SGCG: variants seen among roughly 807,000 people sequenced by gnomAD.
SGCG encodes the protein gamma-sarcoglycan.
A neutral mutation model predicts 29.3 loss-of-function variants in SGCG; 26 were observed. The observed-to-expected ratio is 0.89, with a 90% CI of 0.65 to 1.23. SGCG has a LOEUF of 1.23. Among genes scored for constraint, SGCG ranks in the 50% most tolerant of loss-of-function variants. The probability of loss-of-function intolerance (pLI) is 0.00; values close to 1 mark genes in which losing one functional copy is unlikely to be tolerated. For synonymous variants in SGCG, 145 were observed against 129.7 expected (o/e 1.12, Z -0.80); for missense variants, 353 against 356.0 (o/e 0.99, Z 0.07).
intron 6 of SGCG, among the ~76,000 whole-genome samples, chr13:23,296,632 T>C (rs1309420926): frequency 6.6e-6 from 1 of 152,170 alleles, no homozygotes; most frequent in African/African-American, 2.4e-5. Flanking sequence ...TTTCTGTCTC[T>C]GTGGATTTGA....
At chr13:23,305,200 G>T (rs187549222) in intron 6 of SGCG, among the ~76,000 whole-genome samples, 1 of 152,126 alleles carries the variant, frequency 6.6e-6, no homozygotes, top group Admixed American at 6.5e-5. Context: ...AAGAACAGGG[G>T]GTGTCTTTCC....
intron 1 of SGCG, among the ~76,000 whole-genome samples, chr13:23,195,861 T>A (rs1258953958): frequency 1.3e-5 from 2 of 152,046 alleles, no homozygotes; most frequent in African/African-American, 4.8e-5. Flanking sequence ...AATACAGTAA[T>A]GAAGTTGGGA....
At position 23,272,253 on chromosome 13, in the gene SGCG, A is replaced by G. The variant is rs1000353446; in HGVS notation, c.386-7106A>G. Among the ~76,000 whole-genome samples the G allele has an allele frequency of 2.0e-5, 3 of 152,158 alleles. No homozygotes were observed. The East Asian group carries it at 5.8e-4, about 29-fold the overall frequency. ...TTCCAATCTTAGTGGAAATGCTTCT[A>G]GTCTTTCTGTATTAAGTAAAATACT... On this transcript the variant is annotated intron_variant, in intron 4 of 7. Coordinates refer to ENST00000218867, the MANE Select transcript of SGCG (RefSeq NM_000231.3).
Position 23,324,850 on chromosome 13 carries a change from C to T in SGCG, c.*309C>T, listed in dbSNP as rs377364360. ...TCCCCCTATCTTGTCCGTGTGGGCA[C>T]ACACTGAGTGTTGAGTTGCCGTGTG... is the stretch of plus-strand genomic sequence containing the variant. On this transcript the variant is annotated 3_prime_UTR_variant, in exon 8 of 8. Transcript: ENST00000218867. 11 of 392,654 alleles carry T rather than the reference C, an allele frequency of 2.8e-5. No individual in the cohort carries two copies. The highest frequency in any genetic ancestry group is 2.3e-4 in the African/African-American group (11 of 48,240). The allele number at this position is 392,654 out of a possible 1,614,324, so 24.3% of individuals were successfully genotyped here.
intron 1 of SGCG, among the ~76,000 whole-genome samples, chr13:23,201,063 G>A (rs534180462): frequency 6.6e-6 from 1 of 152,144 alleles, no homozygotes; most frequent in Non-Finnish European, 1.5e-5. Context: ...CTCCAGCCTC[G>A]ATGTTAGAAA....
At chr13:23,290,352 A>G (rs1346576241) in intron 5 of SGCG, among the ~76,000 whole-genome samples, 1 of 152,210 alleles carries the variant, frequency 6.6e-6, no homozygotes, top group Admixed American at 6.5e-5. Context: ...AAATGCCAAC[A>G]GTAGAGGCCA....
chr13:23,273,952 G>A (rs1465121033), intron 4 of SGCG, among the ~76,000 whole-genome samples: 1 of 152,128 alleles, frequency 6.6e-6, no homozygotes, highest in Non-Finnish European at 1.5e-5. Flanking sequence ...GTCTTGTACT[G>A]AAAGTTGTGT....
intron 6 of SGCG, among the ~76,000 whole-genome samples, chr13:23,304,816 AC>A (rs1167170705): frequency 6.6e-6 from 1 of 151,990 alleles, no homozygotes; most frequent in Non-Finnish European, 1.5e-5. Flanking sequence ...TTTGGTAGAG[AC>A]CGGGTTTTGC....
upstream of SGCG, among the ~76,000 whole-genome samples, chr13:23,177,645 C>T (rs1208704503): frequency 7.4e-6 from 1 of 135,394 alleles, no homozygotes; most frequent in Non-Finnish European, 1.5e-5. Context: ...GATCTCGGCT[C>T]ACTGCAACTA....
rs754156966 is a variant in SGCG, at chr13:23,276,803, A to G, written c.386-2556A>G. Among the ~76,000 whole-genome samples the G allele has an allele frequency of 2.0e-5, 3 of 152,210 alleles. No homozygotes were observed. The East Asian group carries it at 5.8e-4, about 29-fold the overall frequency. On this transcript the variant is annotated intron_variant, in intron 4 of 7. Coordinates refer to ENST00000218867, the MANE Select transcript of SGCG (RefSeq NM_000231.3). ...TCTCCGGACGCTGCTCTTAGCCTCG[A>G]TGGATGGACCATGGATTCCTAGTCA...
chr13:23,249,007 A>AC (rs1021766045), intron 3 of SGCG, among the ~76,000 whole-genome samples: 1 of 148,442 alleles, frequency 6.7e-6, no homozygotes, highest in African/African-American at 2.5e-5. Flanking sequence ...GAAAAAAAAA[A>AC]AAAAACAAAC....
intron 1 of SGCG, among the ~76,000 whole-genome samples, chr13:23,191,404 G>C (rs1302439313): frequency 6.6e-6 from 1 of 152,160 alleles, no homozygotes; most frequent in Non-Finnish European, 1.5e-5. Flanking sequence ...CAAGGTATCG[G>C]GTGCAGGGGT....
At chr13:23,231,847 G>A (rs891489982) in intron 2 of SGCG, among the ~76,000 whole-genome samples, 2 of 152,162 alleles carry the variant, frequency 1.3e-5, no homozygotes, top group Admixed American at 6.5e-5. Context: ...GGCCAGGCAC[G>A]GTGGCTCACA....
chr13:23,164,992 C>T, the SGCG span, among the ~76,000 whole-genome samples: 1 of 152,182 alleles, frequency 6.6e-6, no homozygotes, highest in African/African-American at 2.4e-5. Context: ...TCTCCTGTGG[C>T]CCTCCCCTCC....
intron 4 of SGCG, among the ~76,000 whole-genome samples, chr13:23,270,380 G>C (rs1156636643): frequency 1.3e-5 from 2 of 152,188 alleles, no homozygotes; most frequent in Admixed American, 6.5e-5. Flanking sequence ...TCTCACAGGT[G>C]AGAAATGGCA....
chr13:23,239,793 A>T (rs886667544), intron 3 of SGCG, among the ~76,000 whole-genome samples: 2 of 152,180 alleles, frequency 1.3e-5, no homozygotes, highest in Non-Finnish European at 2.9e-5. Context: ...GATGCTTAGT[A>T]TATCTAAAGT....
chr13:23,172,528 C>T, the SGCG span, among the ~76,000 whole-genome samples: 1 of 152,172 alleles, frequency 6.6e-6, no homozygotes, highest in African/African-American at 2.4e-5. Context: ...CCTTTATTTG[C>T]TTCCACAGCC....
intron 2 of SGCG, among the ~76,000 whole-genome samples, chr13:23,228,845 C>T (rs1340377790): frequency 2.0e-5 from 3 of 151,718 alleles, no homozygotes; most frequent in African/African-American, 7.3e-5. Flanking sequence ...GTATATGTAC[C>T]ACATTTTCCT....
intron 5 of SGCG, among the ~76,000 whole-genome samples, chr13:23,292,386 C>T (rs1189463677): frequency 1.3e-5 from 2 of 151,880 alleles, no homozygotes; most frequent in African/African-American, 2.4e-5. Flanking sequence ...CTGGGATTAC[C>T]GGCGTGAGCC....
Sources: gnomAD v4.1 joint callset for allele counts (sites outside exome capture counted in the v4.1 genomes callset) on GRCh38, gnomAD v4.1.1 for gene constraint, MANE v1.5 for transcripts, NCBI Gene and HGNC (gene_info 2026-07-23, HGNC 2026-07-21) for gene names.